Variants in NR2F1-AS1 observed in about 807,000 individuals in gnomAD.
NR2F1-AS1 encodes NR2F1 regulatory antisense RNA 1.
intron 4 of NR2F1-AS1, among the ~76,000 whole-genome samples, chr5:93,505,956 G>A (rs1213025607): frequency 6.6e-6 from 1 of 152,134 alleles, no homozygotes; most frequent in East Asian, 1.9e-4. Context: ...AGAAAAATGG[G>A]TTTTTCTTTT....
chr5:93,416,839 CA>C (rs1208494745), intron 4 of NR2F1-AS1, among the ~76,000 whole-genome samples: 2 of 151,852 alleles, frequency 1.3e-5, no homozygotes, highest in African/African-American at 4.8e-5. Flanking sequence ...AGGAAGGTTA[CA>C]AAACTCTAAA....
At chr5:93,467,901 T>C (rs1561453465) in intron 4 of NR2F1-AS1, among the ~76,000 whole-genome samples, 2 of 152,212 alleles carry the variant, frequency 1.3e-5, no homozygotes, top group African/African-American at 4.8e-5. Flanking sequence ...AGTGAGAACA[T>C]GCAGTGTTTG....
intron 4 of NR2F1-AS1, among the ~76,000 whole-genome samples, chr5:93,511,776 A>G (rs1751300333): frequency 6.6e-6 from 1 of 152,124 alleles, no homozygotes; most frequent in Non-Finnish European, 1.5e-5. Context: ...TTCTTACAGG[A>G]GCACAAACCC....
chr5:93,494,254 T>G (rs939524386), intron 4 of NR2F1-AS1, among the ~76,000 whole-genome samples: 15 of 152,124 alleles, frequency 9.9e-5, no homozygotes, highest in African/African-American at 3.4e-4. Flanking sequence ...GAAAAGATGT[T>G]CAACATCACT....
At chr5:93,419,372 A>G (rs1233897899) in intron 4 of NR2F1-AS1, among the ~76,000 whole-genome samples, 1 of 152,242 alleles carries the variant, frequency 6.6e-6, no homozygotes, top group African/African-American at 2.4e-5. Flanking sequence ...GTAGTTATGT[A>G]TATTTCTGTT....
intron 4 of NR2F1-AS1, among the ~76,000 whole-genome samples, chr5:93,417,334 A>C (rs188188722): frequency 6.6e-6 from 1 of 152,336 alleles, no homozygotes; most frequent in East Asian, 1.9e-4. Context: ...GTCACTTAGC[A>C]CTGCTCTATC....
intron 4 of NR2F1-AS1, among the ~76,000 whole-genome samples, chr5:93,495,054 A>C (rs188149306): frequency 1.3e-4 from 20 of 152,148 alleles, no homozygotes; most frequent in African/African-American, 4.8e-4. Context: ...TCTACATGAC[A>C]AAAAAAATCC....
intron 4 of NR2F1-AS1, among the ~76,000 whole-genome samples, chr5:93,493,818 C>T (rs1476046540): frequency 1.3e-5 from 2 of 151,828 alleles, no homozygotes; most frequent in African/African-American, 2.4e-5. Flanking sequence ...GGACTCCTAC[C>T]TCACTCCTTA....
At chr5:93,487,702 C>T (rs898504165) in intron 4 of NR2F1-AS1, among the ~76,000 whole-genome samples, 1 of 152,184 alleles carries the variant, frequency 6.6e-6, no homozygotes, top group African/African-American at 2.4e-5. Flanking sequence ...CTATCTCCAT[C>T]AAGCTACCAT....
chr5:93,542,410 T>TTA (rs1751972697), intron 4 of NR2F1-AS1: 1 of 152,052 alleles, frequency 6.6e-6, no homozygotes, highest in African/African-American at 2.4e-5. Context: ...GGCCTGTGCA[T>TTA]TATAGTAAGA....
chr5:93,412,289 A>G (rs1249375155), intron 4 of NR2F1-AS1, among the ~76,000 whole-genome samples: 1 of 152,098 alleles, frequency 6.6e-6, no homozygotes, highest in African/African-American at 2.4e-5. Flanking sequence ...AGCTAGGCCT[A>G]GGTCTCCTCT....
At chr5:93,446,978 G>A (rs537814642) in intron 4 of NR2F1-AS1, among the ~76,000 whole-genome samples, 1 of 152,288 alleles carries the variant, frequency 6.6e-6, no homozygotes, top group African/African-American at 2.4e-5. Flanking sequence ...AATAAATGGT[G>A]CTGGGAAAAC....
intron 4 of NR2F1-AS1, among the ~76,000 whole-genome samples, chr5:93,417,011 C>T (rs1439430426): frequency 6.6e-6 from 1 of 152,160 alleles, no homozygotes; most frequent in Non-Finnish European, 1.5e-5. Context: ...CTCCATTTTA[C>T]AGATGGGGGA....
At chr5:93,432,095 T>C (rs1011258054) in intron 4 of NR2F1-AS1, among the ~76,000 whole-genome samples, 2 of 152,162 alleles carry the variant, frequency 1.3e-5, no homozygotes, top group Non-Finnish European at 2.9e-5. Flanking sequence ...AAAATAAAAA[T>C]ACCACATCTT....
At chr5:93,490,822 ATGG>A (rs1750823461) in intron 4 of NR2F1-AS1, among the ~76,000 whole-genome samples, 1 of 126,410 alleles carries the variant, frequency 7.9e-6, no homozygotes, top group Admixed American at 8.0e-5. Flanking sequence ...GGTTGTGGTT[ATGG>A]TAGTGGTGGT....
chr5:93,585,140 G>C (rs1753206859), upstream of NR2F1-AS1: 4 of 1,083,498 alleles, frequency 3.7e-6, no homozygotes, highest in Admixed American at 2.1e-4. Context: ...GCGCCGGCGA[G>C]CAGCAGCAGC....
At chr5:93,497,003 A>C (rs2149883488) in intron 4 of NR2F1-AS1, among the ~76,000 whole-genome samples, 1 of 152,348 alleles carries the variant, frequency 6.6e-6, no homozygotes, top group Non-Finnish European at 1.5e-5. Flanking sequence ...CTGAATGAGA[A>C]GAAACCCAAA....
intron 4 of NR2F1-AS1, among the ~76,000 whole-genome samples, chr5:93,442,570 A>G (rs1181543880): frequency 6.6e-6 from 1 of 152,186 alleles, no homozygotes; most frequent in Non-Finnish European, 1.5e-5. Context: ...AGCCCACCAC[A>G]GCTCAAGGAG....
intron 4 of NR2F1-AS1, among the ~76,000 whole-genome samples, chr5:93,538,606 T>C (rs1478894117): frequency 6.6e-6 from 1 of 152,220 alleles, no homozygotes; most frequent in Non-Finnish European, 1.5e-5. Flanking sequence ...ACCTAACAGT[T>C]GTAGGAAATA....
Sources: gnomAD v4.1 joint callset for allele counts (sites outside exome capture counted in the v4.1 genomes callset) on GRCh38, gnomAD v4.1.1 for gene constraint, MANE v1.5 for transcripts, NCBI Gene and HGNC (gene_info 2026-07-23, HGNC 2026-07-21) for gene names.